The following TMIGD3 variants were observed in gnomAD, a reference collection of about 807,000 sequenced individuals.
TMIGD3 encodes the protein transmembrane and immunoglobulin domain containing 3, also known as AD026 protein (AD026).
Under a neutral mutation model 28.1 loss-of-function variants are expected in TMIGD3, and 21 were observed. The observed-to-expected ratio is 0.75, with a 90% CI of 0.53 to 1.08. TMIGD3 has a LOEUF of 1.08. Ranked by LOEUF, TMIGD3 falls within the 50% of genes least tolerant of loss-of-function variation. The pLI is 0.00. For missense variants in TMIGD3, 416 were observed against 435.6 expected, an observed-to-expected ratio of 0.96 and a Z score of 0.40; for synonymous variants, 151 against 162.1, an observed-to-expected ratio of 0.93 and a Z score of 0.52.
At chr1:111,507,029 GTGTGTGTGTGTATATATATA>G (rs1197170599), upstream of TMIGD3, among the ~76,000 whole-genome samples, 335 of 36,404 alleles carry the variant, frequency 9.2e-3, no homozygotes, top group African/African-American at 0.019. Context: ...GTGTGTGTGT[GTGTGTGTGTGTATATATATA>G]TATATATATA....
At chr1:111,553,197 T>C (rs545151294) in intron 1 of TMIGD3, among the ~76,000 whole-genome samples, 2 of 152,356 alleles carry the variant, frequency 1.3e-5, no homozygotes, top group African/African-American at 2.4e-5. Flanking sequence ...GATTTGTTTA[T>C]TGTACAGTAT....
At chr1:111,492,468 A>C (rs1299968751) in intron 1 of TMIGD3, among the ~76,000 whole-genome samples, 1 of 152,342 alleles carries the variant, frequency 6.6e-6, no homozygotes, top group East Asian at 1.9e-4. Flanking sequence ...CAAAGAAAGC[A>C]GCAAAAAGAG....
chr1:111,553,210 T>C (rs568243101), intron 1 of TMIGD3, among the ~76,000 whole-genome samples: 3 of 152,222 alleles, frequency 2.0e-5, no homozygotes, highest in Non-Finnish European at 4.4e-5. Context: ...TACAGTATAA[T>C]AAAAATGTCT....
intron 1 of TMIGD3, chr1:111,563,841 C>T (rs1260786753): frequency 1.2e-6 from 2 of 1,610,790 alleles, no homozygotes. Flanking sequence ...TCTGCTATGA[C>T]TCACTGTGAC....
intron 2 of TMIGD3, chr1:111,489,674 G>A: frequency 9.2e-7 from 1 of 1,084,046 alleles, no homozygotes; most frequent in South Asian, 2.0e-5. Context: ...ACCGTTAGGA[G>A]GCCCTCTGTC....
At chr1:111,551,464 C>T (rs1460414246) in intron 1 of TMIGD3, among the ~76,000 whole-genome samples, 4 of 152,086 alleles carry the variant, frequency 2.6e-5, no homozygotes, top group Non-Finnish European at 5.9e-5. Flanking sequence ...TAATTTATAA[C>T]AATGTAATTA....
chr1:111,532,493 G>T (rs1656489860), intron 1 of TMIGD3, among the ~76,000 whole-genome samples: 1 of 152,166 alleles, frequency 6.6e-6, no homozygotes, highest in Non-Finnish European at 1.5e-5. Flanking sequence ...GCCTTTTCCA[G>T]AGACTCAGTC....
At chr1:111,516,949 G>A (rs1370253355) in intron 1 of TMIGD3, among the ~76,000 whole-genome samples, 1 of 152,196 alleles carries the variant, frequency 6.6e-6, no homozygotes, top group Non-Finnish European at 1.5e-5. Context: ...TCTAAATAGA[G>A]CTGTTTGCTT....
intron 1 of TMIGD3, among the ~76,000 whole-genome samples, chr1:111,531,360 C>G (rs144620347): frequency 6.6e-5 from 10 of 151,706 alleles, no homozygotes; most frequent in Non-Finnish European, 1.3e-4. Context: ...TATGTCTTCA[C>G]GTTTACTGAT....
Position 111,551,762 on chromosome 1 carries a change from T to TTTTG in TMIGD3, c.107+12080_107+12083dup, listed in dbSNP as rs1405161137. 2.6e-3 allele frequency among the ~76,000 whole-genome samples: 77 copies of TTTTG among 29,406 alleles called. 1 individual carries two copies. The highest frequency in any genetic ancestry group is 0.013 in the Non-Finnish European group (27 of 2,076). The allele number at this position is 29,406 out of a possible 152,430, so 19.3% of individuals were successfully genotyped here. The stretch of plus-strand genomic sequence containing the variant: ...TGGTTTTTGGTTTTGTTTTGTTTTG[T>TTTTG]TTTGTTTTTTTGAGATGGAGTCTTT... On this transcript the variant is annotated intron_variant, in intron 1 of 5. Coordinates refer to the TMIGD3 transcript ENST00000369717.
intron 1 of TMIGD3, chr1:111,501,406 A>AT (rs1655166536): frequency 6.6e-6 from 1 of 152,202 alleles, no homozygotes; most frequent in South Asian, 2.1e-4. Flanking sequence ...GTATCAGTAG[A>AT]TTTTTATCTC....
chr1:111,530,497 C>T lies in TMIGD3; in HGVS notation c.107+33349G>A, dbSNP rs560304491. 3.3e-5 allele frequency among the ~76,000 whole-genome samples: 5 copies of T among 152,216 alleles called. No homozygotes were observed. In the South Asian group the frequency reaches 6.2e-4, roughly 19 times the overall value. ...GAACTTCCTTTAACATTTATTGTTG[C>T]GCAGCTCTGCTGGTTACAAATTCCC... On this transcript the variant is annotated intron_variant, in intron 1 of 5. Coordinates refer to the TMIGD3 transcript ENST00000369717.
At chr1:111,490,863 C>T (rs1299209214) in intron 1 of TMIGD3, 101 bp from the exon 2 acceptor site, 3 of 791,756 alleles carry the variant, frequency 3.8e-6, no homozygotes, top group Non-Finnish European at 4.3e-6. Context: ...AGCAGTGCTG[C>T]CATGTATAGA....
At chr1:111,547,729 AATG>A (rs1350737527) in intron 1 of TMIGD3, among the ~76,000 whole-genome samples, 2 of 152,208 alleles carry the variant, frequency 1.3e-5, no homozygotes, top group African/African-American at 4.8e-5. Context: ...ATGGATGCCT[AATG>A]ATTTCCCTTC....
upstream of TMIGD3, chr1:111,505,018 G>A (rs145504224): frequency 8.9e-5 from 88 of 984,386 alleles, no homozygotes; most frequent in East Asian, 3.4e-4. Flanking sequence ...AAGCTTCATC[G>A]GCCTCCAATG....
upstream of TMIGD3, chr1:111,503,874 C>T (rs1401152093): frequency 4.0e-6 from 4 of 993,136 alleles, no homozygotes; most frequent in Middle Eastern, 5.2e-4. Flanking sequence ...TATCAGAGTT[C>T]ATTCATTCAG....
chr1:111,552,306 C>T (rs1244702617), intron 1 of TMIGD3, among the ~76,000 whole-genome samples: 1 of 152,184 alleles, frequency 6.6e-6, no homozygotes, highest in Non-Finnish European at 1.5e-5. Context: ...AAGTGGCTAT[C>T]TGCCACTGAG....
At chr1:111,525,107 T>A (rs1166163015) in intron 1 of TMIGD3, among the ~76,000 whole-genome samples, 3 of 152,260 alleles carry the variant, frequency 2.0e-5, no homozygotes, top group African/African-American at 7.2e-5. Flanking sequence ...AATTGGTAAA[T>A]GTTCTATGTG....
chr1:111,504,325 A>G (rs1338177930), upstream of TMIGD3, among the ~76,000 whole-genome samples: 1 of 152,220 alleles, frequency 6.6e-6, no homozygotes, highest in African/African-American at 2.4e-5. Flanking sequence ...GACATACAGA[A>G]AGAAGGGAAA....
Sources: gnomAD v4.1 joint callset for allele counts (sites outside exome capture counted in the v4.1 genomes callset) on GRCh38, gnomAD v4.1.1 for gene constraint, MANE v1.5 for transcripts, NCBI Gene and HGNC (gene_info 2026-07-23, HGNC 2026-07-21) for gene names.